The following TENM2 variants were observed in gnomAD, a reference collection of about 807,000 sequenced individuals.
TENM2 encodes the protein teneurin-2.
Under a neutral mutation model 245.2 loss-of-function variants are expected in TENM2, and 52 were observed. That is an observed-to-expected ratio of 0.21 (90% confidence interval 0.17 to 0.27). TENM2 has a LOEUF of 0.27. Ranked by LOEUF, TENM2 falls within the 10% of genes least tolerant of loss-of-function variation. The pLI, the probability that TENM2 is intolerant of heterozygous loss-of-function variation, is 1.00. For synonymous variants in TENM2, 1,363 were observed against 1,438.9 expected (o/e 0.95, Z 1.19); for missense variants, 3,046 against 3,666.8 (o/e 0.83, Z 4.37).
At chr5:168,003,341 ACACACC>A (rs199577877) in intron 5 of TENM2, among the ~76,000 whole-genome samples, 19,794 of 131,682 alleles carry the variant, frequency 0.15, 1,597 homozygotes, top group Admixed American at 0.26. Flanking sequence ...ACACACACAC[ACACACC>A]CCCAAAGCTG....
At chr5:167,074,556 A>G in the TENM2 span, among the ~76,000 whole-genome samples, 2 of 152,252 alleles carry the variant, frequency 1.3e-5, no homozygotes, top group East Asian at 3.8e-4. Flanking sequence ...AGATGATGCA[A>G]TAAAGTACCT....
chr5:167,869,422 G>A (rs901800783), intron 2 of TENM2, among the ~76,000 whole-genome samples: 3 of 152,158 alleles, frequency 2.0e-5, no homozygotes, highest in Non-Finnish European at 4.4e-5. Context: ...TCTTACCTTT[G>A]GGTATGTTAT....
chr5:167,783,270 C>T (rs80300596), intron 2 of TENM2, among the ~76,000 whole-genome samples: 2,966 of 151,420 alleles, frequency 0.02, 102 homozygotes, highest in African/African-American at 0.068. Context: ...GTTCAGCCCA[C>T]CTAGCAAGTC....
At chr5:168,224,951 C>T (rs551867028) in intron 23 of TENM2, among the ~76,000 whole-genome samples, 1 of 152,240 alleles carries the variant, frequency 6.6e-6, no homozygotes, top group Non-Finnish European at 1.5e-5. Flanking sequence ...TAGAACAAGG[C>T]TTCTTGCTAA....
At chr5:167,071,703 G>C in the TENM2 span, among the ~76,000 whole-genome samples, 1 of 152,032 alleles carries the variant, frequency 6.6e-6, no homozygotes, top group African/African-American at 2.4e-5. Context: ...ATCTTCTTTC[G>C]ATATTACTGA....
chr5:167,092,869 T>G, the TENM2 span, among the ~76,000 whole-genome samples: 1 of 152,214 alleles, frequency 6.6e-6, no homozygotes, highest in African/African-American at 2.4e-5. Context: ...ACAAATATCT[T>G]CTTTCCCACA....
chr5:167,968,500 C>T (rs774396745), intron 4 of TENM2, among the ~76,000 whole-genome samples: 8 of 152,270 alleles, frequency 5.3e-5, no homozygotes, highest in African/African-American at 9.6e-5. Flanking sequence ...GCTTCAATTG[C>T]GAACCAGCAT....
At chr5:168,186,382 T>G (rs1048405359) in intron 13 of TENM2, 2 of 152,162 alleles carry the variant, frequency 1.3e-5, no homozygotes, top group Non-Finnish European at 2.9e-5. Context: ...ATGATCACAT[T>G]TCTCTGAAAT....
chr5:167,098,734 C>T, the TENM2 span, among the ~76,000 whole-genome samples: 4 of 152,100 alleles, frequency 2.6e-5, no homozygotes, highest in African/African-American at 4.8e-5. Flanking sequence ...ACTCAGTTCC[C>T]GTGACTGGGG....
At chr5:167,263,856 G>A in the TENM2 span, among the ~76,000 whole-genome samples, 2 of 152,004 alleles carry the variant, frequency 1.3e-5, no homozygotes, top group African/African-American at 4.8e-5. Flanking sequence ...GGTGGCTCAC[G>A]GCTTTGGGAG....
intron 7 of TENM2, among the ~76,000 whole-genome samples, chr5:168,082,363 C>T (rs1057047095): frequency 6.6e-5 from 10 of 152,102 alleles, no homozygotes; most frequent in African/African-American, 2.2e-4. Flanking sequence ...AGCTTCTTTG[C>T]GATGGGTTCG....
exon 29 of TENM2, chr5:168,262,894 CA>C (rs1474444754): frequency 5.3e-6 from 7 of 1,332,124 alleles, no homozygotes; most frequent in African/African-American, 1.5e-5. Context: ...GAAGACCTAA[CA>C]GGGGCACTGC....
the TENM2 span, among the ~76,000 whole-genome samples, chr5:167,147,975 G>A: frequency 6.6e-6 from 1 of 152,128 alleles, no homozygotes; most frequent in Non-Finnish European, 1.5e-5. Flanking sequence ...TGCAGAATGA[G>A]GATGTATGAA....
intron 2 of TENM2, among the ~76,000 whole-genome samples, chr5:167,822,684 C>CTT (rs11430748): frequency 1.4e-4 from 21 of 151,754 alleles, no homozygotes; most frequent in East Asian, 9.7e-4. Flanking sequence ...TTCCAGGGGT[C>CTT]TTTTTTTTCC....
At chr5:167,127,970 G>T in the TENM2 span, among the ~76,000 whole-genome samples, 1 of 152,026 alleles carries the variant, frequency 6.6e-6, no homozygotes, top group Non-Finnish European at 1.5e-5. Flanking sequence ...TCACCCTGTG[G>T]CCCCACTGCC....
At chr5:167,200,402 G>A in the TENM2 span, among the ~76,000 whole-genome samples, 4 of 151,706 alleles carry the variant, frequency 2.6e-5, no homozygotes, top group African/African-American at 7.3e-5. Context: ...ATTCTACTTC[G>A]TTTGTGGTCT....
At chr5:167,467,850 A>G (rs570536897) in intron 2 of TENM2, among the ~76,000 whole-genome samples, 12 of 152,306 alleles carry the variant, frequency 7.9e-5, no homozygotes, top group Non-Finnish European at 1.3e-4. Flanking sequence ...TGGTTACCTC[A>G]TATATTTGTG....
At chr5:167,996,019 A>G (rs1474600229) in intron 5 of TENM2, among the ~76,000 whole-genome samples, 1 of 152,146 alleles carries the variant, frequency 6.6e-6, no homozygotes, top group African/African-American at 2.4e-5. Context: ...AAATTGATGC[A>G]TCAGCCCCAG....
chr5:168,005,874 A>C (rs1220431971), intron 5 of TENM2, among the ~76,000 whole-genome samples: 1 of 152,194 alleles, frequency 6.6e-6, no homozygotes, highest in African/African-American at 2.4e-5. Context: ...AAGAAAAAGC[A>C]AGCATGCACA....
Sources: allele counts gnomAD v4.1 joint callset (sites outside exome capture counted in the v4.1 genomes callset), GRCh38; gene constraint gnomAD v4.1.1; transcripts MANE v1.5; gene names NCBI Gene and HGNC (gene_info 2026-07-23, HGNC 2026-07-21).